The following DSE variants were observed in gnomAD, a reference collection of about 807,000 sequenced individuals.
The protein encoded by DSE is dermatan-sulfate epimerase.
In DSE, 36 loss-of-function variants were observed where a neutral mutation model predicts 84.4. The observed-to-expected ratio is 0.43, with a 90% confidence interval of 0.33 to 0.56. The LOEUF is 0.56. DSE is among the 20% of genes least tolerant of loss of function. The pLI, the probability that DSE is intolerant of heterozygous loss-of-function variation, is 0.06. For missense variants in DSE, 862 were observed against 1,169.6 expected (o/e 0.74, Z 3.84); for synonymous variants, 410 against 430.1 (o/e 0.95, Z 0.58).
intron 5 of DSE, 91 bp from the exon 6 acceptor site, chr6:116,435,496 G>A: frequency 7.7e-7 from 1 of 1,302,796 alleles, no homozygotes; most frequent in Admixed American, 2.5e-5. Flanking sequence ...GCTCTGGGTA[G>A]CATTTGTGTG....
rs184530777 is a variant in DSE, at chr6:116,361,684, T to C, written c.-53-37514T>C. On this transcript the variant is annotated intron_variant, in intron 2 of 3. Transcript: ENST00000430252. ...AAAGAAAAATTTGTGTGTGTGTGTA[T>C]CTCATAAGCCTCTGGCTGCTCTCCA... Among the ~76,000 whole-genome samples, 236 of 152,266 alleles carry C rather than the reference T, an allele frequency of 1.5e-3. 1 individual carries two copies. Among genetic ancestry groups the C allele is most frequent in the Non-Finnish European group, 2.6e-3 (175 of 68,004 alleles).
rs2115111739 is a variant in DSE, at chr6:116,442,386, A to ATGT, written c.*5043_*5045dup. 6.6e-6 allele frequency: 1 copy of ATGT among 152,278 alleles called. No individual in the cohort carries two copies. The highest frequency in any genetic ancestry group is 2.4e-5 in the African/African-American group (1 of 41,554). The allele number at this position is 152,278 out of a possible 1,614,324, so 9.4% of individuals were successfully genotyped here. On this transcript the variant is annotated 3_prime_UTR_variant, in exon 6 of 6. Coordinates refer to ENST00000644252, the MANE Select transcript of DSE (RefSeq NM_013352.4). ...GCGGGTCCAGGAGGTTGTTTTAGCCATGTTAAGTTTAAGATACTTTCTAAA... is the reference window on the plus strand; with the variant it reads ...GCGGGTCCAGGAGGTTGTTTTAGCCATGTTGTTAAGTTTAAGATACTTTCTAAA...
At chr6:116,338,516 G>T (rs1314503088) in intron 2 of DSE, among the ~76,000 whole-genome samples, 5 of 152,048 alleles carry the variant, frequency 3.3e-5, no homozygotes, top group South Asian at 2.1e-4. Context: ...GAGCCACTGT[G>T]CCCAGCCTAC....
upstream of DSE, among the ~76,000 whole-genome samples, chr6:116,368,258 A>G (rs888394418): frequency 2.6e-5 from 4 of 152,332 alleles, no homozygotes; most frequent in African/African-American, 7.2e-5. Context: ...ACAGACAAAA[A>G]TAGGACAAGG....
At chr6:116,375,223 G>A (rs1029820749) in intron 1 of DSE, among the ~76,000 whole-genome samples, 3 of 147,786 alleles carry the variant, frequency 2.0e-5, no homozygotes, top group African/African-American at 7.3e-5. Flanking sequence ...ACTGATCGAT[G>A]TACCATTTGA....
intron 1 of DSE, among the ~76,000 whole-genome samples, chr6:116,385,264 G>A (rs1780510627): frequency 6.6e-6 from 1 of 152,190 alleles, no homozygotes; most frequent in Admixed American, 6.5e-5. Context: ...TCTGAATGAG[G>A]TGGGAAGCCA....
chr6:116,425,633 T>A (rs1356805937), intron 2 of DSE, among the ~76,000 whole-genome samples: 63 of 148,966 alleles, frequency 4.2e-4, no homozygotes, highest in African/African-American at 1.4e-3. Flanking sequence ...TATTTTATTT[T>A]TTTTTTTGAG....
chr6:116,296,408 C>G (rs1049296410), intron 2 of DSE, among the ~76,000 whole-genome samples: 3 of 152,094 alleles, frequency 2.0e-5, no homozygotes, highest in African/African-American at 7.2e-5. Context: ...ACAAGACATG[C>G]TAAATCCCTG....
chr6:116,307,282 G>A (rs1414950822), intron 2 of DSE, among the ~76,000 whole-genome samples: 2 of 152,142 alleles, frequency 1.3e-5, no homozygotes, highest in African/African-American at 2.4e-5. Flanking sequence ...GGTGTGGATT[G>A]ATCATTACTT....
At chr6:116,408,920 GGC>G (rs1257602877) in intron 2 of DSE, among the ~76,000 whole-genome samples, 3 of 152,212 alleles carry the variant, frequency 2.0e-5, no homozygotes, top group Admixed American at 1.3e-4. Flanking sequence ...TGAAATGAAT[GGC>G]GGTGCTGTTA....
chr6:116,347,947 A>G (rs1778086970), intron 2 of DSE, among the ~76,000 whole-genome samples: 1 of 152,236 alleles, frequency 6.6e-6, no homozygotes, highest in Non-Finnish European at 1.5e-5. Flanking sequence ...CAAATTTATG[A>G]GAAATAAATC....
intron 2 of DSE, among the ~76,000 whole-genome samples, chr6:116,403,641 G>A (rs911856014): frequency 1.8e-4 from 27 of 152,282 alleles, no homozygotes; most frequent in Non-Finnish European, 3.8e-4. Flanking sequence ...GCCACAGGTG[G>A]ACACTGAGGG....
At chr6:116,371,283 G>A (rs543540697) in intron 1 of DSE, among the ~76,000 whole-genome samples, 162 bp downstream of exon 1, 1 of 152,316 alleles carries the variant, frequency 6.6e-6, no homozygotes, top group East Asian at 1.9e-4. Flanking sequence ...CCCGGGCCCG[G>A]CTCGGCTGGA....
chr6:116,344,690 T>G (rs1167591572), intron 2 of DSE, among the ~76,000 whole-genome samples: 1 of 152,184 alleles, frequency 6.6e-6, no homozygotes, highest in African/African-American at 2.4e-5. Context: ...GTAAAGATCA[T>G]CAATGCTAGG....
rs913675137 is a variant in DSE at position 116,438,396 on chromosome 6, G to A, written c.*1051G>A. 7.2e-5 allele frequency: 11 copies of A among 151,884 alleles called. No individual in the cohort carries two copies. Among genetic ancestry groups the A allele is most frequent in the African/African-American group, 2.7e-4 (11 of 41,224 alleles). 9.4% of individuals were successfully genotyped at this position (151,884 alleles called of 1,614,324 possible). On this transcript the variant is annotated 3_prime_UTR_variant, in exon 6 of 6. Coordinates refer to ENST00000644252, the MANE Select transcript of DSE (RefSeq NM_013352.4). ...GTATTCATTAAATATATAAAGTAGT[G>A]TTTGAATCAAAAGAAGTATTTTCTC...
intron 2 of DSE, among the ~76,000 whole-genome samples, chr6:116,273,834 G>GTTTT (rs35845513): frequency 1.5e-5 from 2 of 136,942 alleles, no homozygotes; most frequent in African/African-American, 2.7e-5. Context: ...ATGTTTTTTT[G>GTTTT]TTTTTTTTTT....
At chr6:116,263,221 C>T (rs779678315) in intron 2 of DSE, among the ~76,000 whole-genome samples, 22 of 152,090 alleles carry the variant, frequency 1.4e-4, no homozygotes, top group Non-Finnish European at 2.8e-4. Context: ...TAAAGTCTCC[C>T]GCTATTAATG....
chr6:116,334,923 C>T (rs992326935), intron 2 of DSE, among the ~76,000 whole-genome samples: 6 of 152,038 alleles, frequency 3.9e-5, no homozygotes, highest in African/African-American at 1.2e-4. Context: ...AAGGAACCTC[C>T]CACTGTTGGT....
At chr6:116,425,327 G>A (rs891408946) in intron 2 of DSE, among the ~76,000 whole-genome samples, 1 of 152,186 alleles carries the variant, frequency 6.6e-6, no homozygotes, top group African/African-American at 2.4e-5. Context: ...TCATGGCATA[G>A]AAATGTTAAG....
Sources: gnomAD v4.1 joint callset for allele counts (sites outside exome capture counted in the v4.1 genomes callset) on GRCh38, gnomAD v4.1.1 for gene constraint, MANE v1.5 for transcripts, NCBI Gene and HGNC (gene_info 2026-07-23, HGNC 2026-07-21) for gene names.